Variants in ANKRD17 observed in about 807,000 individuals in gnomAD.
ANKRD17 encodes ankyrin repeat domain-containing protein 17.
A neutral mutation model predicts 229.7 loss-of-function variants in ANKRD17; 19 were observed. That is an observed-to-expected ratio of 0.08 (90% confidence interval 0.06 to 0.12). ANKRD17 has a LOEUF of 0.12. Ranked by LOEUF, ANKRD17 falls within the 10% of genes least tolerant of loss-of-function variation. The pLI is 1.00. For synonymous variants in ANKRD17, 1,112 were observed against 1,146.1 expected, an observed-to-expected ratio of 0.97 and a Z score of 0.60; for missense variants, 2,176 against 3,176.8, an observed-to-expected ratio of 0.68 and a Z score of 7.57.
At chr4:73,190,178 G>A (rs2149058341) in intron 1 of ANKRD17, among the ~76,000 whole-genome samples, 1 of 152,230 alleles carries the variant, frequency 6.6e-6, no homozygotes, top group Admixed American at 6.5e-5. Flanking sequence ...AGACCAGCCT[G>A]GCTAACATGG....
chr4:73,235,344 TAAC>T (rs1743404012), intron 1 of ANKRD17, among the ~76,000 whole-genome samples: 1 of 152,156 alleles, frequency 6.6e-6, no homozygotes, highest in African/African-American at 2.4e-5. Context: ...GTTGAGACAG[TAAC>T]AGGGTTGCAG....
At chr4:73,089,990 G>T (rs1722629385) in intron 29 of ANKRD17, among the ~76,000 whole-genome samples, 1 of 151,954 alleles carries the variant, frequency 6.6e-6, no homozygotes, top group African/African-American at 2.4e-5. Context: ...AATTATTTTA[G>T]AAATAAAAAA....
At chr4:73,114,328 T>C in intron 23 of ANKRD17, among the ~76,000 whole-genome samples, 1 of 152,224 alleles carries the variant, frequency 6.6e-6, no homozygotes, top group East Asian at 1.9e-4. Context: ...GCTCCAATTT[T>C]GTGTACAATA....
chr4:73,159,353 T>A (rs538449320), intron 3 of ANKRD17, among the ~76,000 whole-genome samples: 1 of 152,360 alleles, frequency 6.6e-6, no homozygotes, highest in Non-Finnish European at 1.5e-5. Context: ...ATTTACATTA[T>A]CATTTGAATT....
intron 1 of ANKRD17, among the ~76,000 whole-genome samples, chr4:73,204,319 T>A (rs1426307752): frequency 7.8e-6 from 1 of 128,090 alleles, no homozygotes; most frequent in Non-Finnish European, 1.6e-5. Flanking sequence ...CGAGATCACG[T>A]CATTGCAGTC....
chr4:73,195,586 G>T (rs1737747638), intron 1 of ANKRD17, among the ~76,000 whole-genome samples: 1 of 151,782 alleles, frequency 6.6e-6, no homozygotes, highest in Admixed American at 6.6e-5. Context: ...TCGGCTCACT[G>T]CAACCTCTGC....
intron 1 of ANKRD17, among the ~76,000 whole-genome samples, chr4:73,221,798 T>C (rs1017845888): frequency 2.0e-5 from 3 of 152,202 alleles, no homozygotes; most frequent in Admixed American, 2.0e-4. Flanking sequence ...AAAGAGCACA[T>C]TGGCAGGTGT....
chr4:73,136,147 T>TAG (rs1728868312), intron 15 of ANKRD17, among the ~76,000 whole-genome samples: 1 of 152,136 alleles, frequency 6.6e-6, no homozygotes, highest in Non-Finnish European at 1.5e-5. Flanking sequence ...TGAGGGTACT[T>TAG]TATTCTCTCA....
chr4:73,084,162 A>T (rs1458484739), intron 30 of ANKRD17, among the ~76,000 whole-genome samples: 1 of 152,070 alleles, frequency 6.6e-6, no homozygotes, highest in Non-Finnish European at 1.5e-5. Context: ...TGGGCAGATC[A>T]TGAGATCAGG....
chr4:73,074,463 G>A lies in ANKRD17; in HGVS notation c.*1768C>T, dbSNP rs1334368648. 6.6e-6 allele frequency: 1 copy of A among 151,938 alleles called. No individual in the cohort carries two copies. The highest frequency in any genetic ancestry group is 1.5e-5 in the Non-Finnish European group (1 of 67,854). The allele number at this position is 151,938 out of a possible 1,614,324, so 9.4% of individuals were successfully genotyped here. ...TCATAGCTATATTTATTTGTAGGCT[G>A]TCTTTTAGCTCTCCCTTTAAATTTG... On this transcript the variant is annotated 3_prime_UTR_variant, in exon 34 of 34. Transcript: ENST00000358602.
chr4:73,123,810 G>A (rs1270618052), intron 18 of ANKRD17, among the ~76,000 whole-genome samples: 7 of 151,702 alleles, frequency 4.6e-5, no homozygotes, highest in Non-Finnish European at 1.0e-4. Context: ...GGGGAAGTGG[G>A]GGGAAAAGCT....
intron 16 of ANKRD17, among the ~76,000 whole-genome samples, chr4:73,126,795 G>A (rs897599180): frequency 2.6e-5 from 4 of 151,988 alleles, no homozygotes; most frequent in African/African-American, 7.3e-5. Context: ...GCAGTGGCGC[G>A]ATCTTGGCTG....
chr4:73,245,503 T>C (rs2149269852), intron 1 of ANKRD17, among the ~76,000 whole-genome samples: 1 of 152,262 alleles, frequency 6.6e-6, no homozygotes, highest in South Asian at 2.1e-4. Context: ...CCTGACTGCC[T>C]ATGGAGAACA....
chr4:73,233,038 C>T (rs1054157632), intron 1 of ANKRD17, among the ~76,000 whole-genome samples: 1 of 152,066 alleles, frequency 6.6e-6, no homozygotes, highest in African/African-American at 2.4e-5. Context: ...ATCTTTTTAA[C>T]ATTATAAATG....
chr4:73,162,565 T>C (rs1024930505), intron 2 of ANKRD17, among the ~76,000 whole-genome samples: 1 of 152,118 alleles, frequency 6.6e-6, no homozygotes, highest in Non-Finnish European at 1.5e-5. Context: ...TAAAAAGGCA[T>C]TCTAGACTAT....
rs1721270305 is a variant in ANKRD17 at position 73,078,865 on chromosome 4, C to T, written c.7185G>A (p.Ser2395=). ...SNDSSAQSVS[S]GVRAPSPAPS... ...GGGCAGGAGATGGTGCACGAACTCC[C>T]GAGGATACTGACTGTGCAGAAGAAT... The change falls in exon 31 of 34, where the codon TCG becomes TCA. Residue 2395 remains serine (S), a synonymous_variant. Coordinates refer to ENST00000358602, the MANE Select transcript of ANKRD17 (RefSeq NM_032217.5). 1 of 1,613,970 alleles carries T rather than the reference C, an allele frequency of 6.2e-7. No homozygotes were observed. The highest frequency in any genetic ancestry group is 8.5e-7 in the Non-Finnish European group (1 of 1,179,996).
chr4:73,188,282 A>G (rs1334223461), intron 1 of ANKRD17, among the ~76,000 whole-genome samples: 1 of 152,068 alleles, frequency 6.6e-6, no homozygotes, highest in Non-Finnish European at 1.5e-5. Flanking sequence ...ATTTAGCCAT[A>G]GCGATCTTTA....
intron 16 of ANKRD17, among the ~76,000 whole-genome samples, chr4:73,130,815 T>C (rs1714551386): frequency 6.6e-6 from 1 of 152,156 alleles, no homozygotes; most frequent in African/African-American, 2.4e-5. Flanking sequence ...GAATCGATCA[T>C]ATTTTACACA....
At position 73,125,048 on chromosome 4, in the gene ANKRD17, T is replaced by G; in HGVS notation, c.3357A>C (p.Pro1119=). ...IEHRDKKGFT[P]LILAATAGHV... ...GACCAGCTGTGGCAGCCAAGATGAG[T>G]GGAGTAAAACCTGGAGAAAAATAAT... Residue 1119 remains proline, a synonymous_variant, in exon 18 of 34, where the codon CCA becomes CCC. Coordinates refer to ENST00000358602, the MANE Select transcript of ANKRD17 (RefSeq NM_032217.5). The G allele has an allele frequency of 6.2e-7, 1 of 1,614,052 alleles. No homozygotes were observed. Among genetic ancestry groups the G allele is most frequent in the African/African-American group, 1.3e-5 (1 of 74,986 alleles).
Sources: allele counts gnomAD v4.1 joint callset (sites outside exome capture counted in the v4.1 genomes callset), GRCh38; gene constraint gnomAD v4.1.1; transcripts MANE v1.5; gene names NCBI Gene and HGNC (gene_info 2026-07-23, HGNC 2026-07-21).